The following MICU2 variants were observed in gnomAD, a reference collection of about 807,000 sequenced individuals.
The protein encoded by MICU2 is calcium uptake protein 2, mitochondrial.
MICU2 carries 64 observed loss-of-function variants against 60.4 expected under a neutral mutation model. The observed-to-expected ratio is 1.06, with a 90% CI of 0.87 to 1.31. The LOEUF (loss-of-function observed/expected upper bound fraction) is 1.31. Among genes scored for constraint, MICU2 ranks in the 50% most tolerant of loss-of-function variants. MICU2 has a pLI of 0.00. For missense variants in MICU2, 569 were observed against 531.0 expected (o/e 1.07, Z -0.70); for synonymous variants, 201 against 175.0 (o/e 1.15, Z -1.17).
chr13:21,526,885 T>C lies in MICU2; in HGVS notation c.467-4235A>G, dbSNP rs1225521534. On this transcript the variant is annotated intron_variant, in intron 4 of 11. Coordinates refer to ENST00000382374, the MANE Select transcript of MICU2 (RefSeq NM_152726.3). ...AGAGGGTGATGACGGTGGGAATGTA[T>C]TTACCCTTCTGTGCAGGACAACATA... Among the ~76,000 whole-genome samples the C allele has an allele frequency of 2.0e-5, 3 of 152,068 alleles. No homozygotes were observed. The East Asian group carries it at 5.8e-4, about 29-fold the overall frequency.
At chr13:21,584,822 G>A (rs1380429168) in intron 1 of MICU2, among the ~76,000 whole-genome samples, 2 of 151,962 alleles carry the variant, frequency 1.3e-5, no homozygotes, top group Admixed American at 6.6e-5. Flanking sequence ...TACTATTAGT[G>A]GCTTATGGTG....
chr13:21,603,822 G>A lies in MICU2; in HGVS notation c.210+117C>T, dbSNP rs542767242. On this transcript the variant is annotated intron_variant, in intron 1 of 11. Coordinates refer to ENST00000382374, the MANE Select transcript of MICU2 (RefSeq NM_152726.3). Reference sequence around the variant, plus strand: ...CAGTCGCAGGGCGCTCCGATCCGCAGCGGCACCTCCACCCACGGCTCCGGG... The same window carrying A: ...CAGTCGCAGGGCGCTCCGATCCGCAACGGCACCTCCACCCACGGCTCCGGG... 6.4e-5 allele frequency: 75 copies of A among 1,172,430 alleles called. 1 individual carries two copies. The South Asian group carries it at 1.0e-3, about 16-fold the overall frequency. The allele number at this position is 1,172,430 out of a possible 1,614,324, so 72.6% of individuals were successfully genotyped here.
chr13:21,526,424 C>T (rs557803815), intron 4 of MICU2, among the ~76,000 whole-genome samples: 1 of 152,118 alleles, frequency 6.6e-6, no homozygotes, highest in Admixed American at 6.5e-5. Context: ...TGTTCCTCTA[C>T]CTTCTGTATT....
intron 1 of MICU2, 104 bp downstream of exon 1, chr13:21,603,835 C>T (rs1035306641): frequency 7.7e-7 from 1 of 1,299,730 alleles, no homozygotes. Context: ...GCACCTCCAC[C>T]CACGGCTCCG....
chr13:21,591,979 G>C (rs541180987), intron 1 of MICU2, among the ~76,000 whole-genome samples: 1 of 151,358 alleles, frequency 6.6e-6, no homozygotes, highest in South Asian at 2.1e-4. Flanking sequence ...AAATTAATTC[G>C]AAAGTTAGCA....
intron 1 of MICU2, among the ~76,000 whole-genome samples, chr13:21,567,410 G>A (rs909202225): frequency 6.6e-6 from 1 of 152,070 alleles, no homozygotes; most frequent in Non-Finnish European, 1.5e-5. Context: ...AGCTTGGTGT[G>A]GTCAAGGAAC....
At chr13:21,515,862 T>C (rs1593321092) in intron 6 of MICU2, among the ~76,000 whole-genome samples, 1 of 152,244 alleles carries the variant, frequency 6.6e-6, no homozygotes, top group Admixed American at 6.5e-5. Context: ...AAAAGCTTTA[T>C]ATTTATTTTA....
Position 21,535,916 on chromosome 13 carries a change from A to G in MICU2, c.466+3386T>C, listed in dbSNP as rs1355010808. Among the ~76,000 whole-genome samples, 7 of 152,234 alleles carry G rather than the reference A, an allele frequency of 4.6e-5. No individual in the cohort carries two copies. The East Asian group carries it at 1.3e-3, about 29-fold the overall frequency. ...AAGGTGATGAAAGTGAGGATGAAAG[A>G]GATTAAGTAATTTCCCCGGGTCATA... is the stretch of plus-strand genomic sequence containing the variant. On this transcript the variant is annotated intron_variant, in intron 4 of 11. Coordinates refer to ENST00000382374, the MANE Select transcript of MICU2 (RefSeq NM_152726.3).
intron 2 of MICU2, among the ~76,000 whole-genome samples, chr13:21,559,578 G>A (rs1189324695): frequency 6.7e-6 from 1 of 149,820 alleles, no homozygotes; most frequent in Non-Finnish European, 1.5e-5. Flanking sequence ...AGGCTGAAGT[G>A]CAGTGGTGCG....
chr13:21,592,874 A>G (rs567702949), intron 1 of MICU2, among the ~76,000 whole-genome samples: 3 of 152,234 alleles, frequency 2.0e-5, no homozygotes, highest in Non-Finnish European at 1.5e-5. Flanking sequence ...TCTCAAAATA[A>G]TAAGAGCTAT....
chr13:21,551,198 C>T (rs1279472792), intron 2 of MICU2: 1 of 152,778 alleles, frequency 6.5e-6, no homozygotes, highest in Non-Finnish European at 1.5e-5. Context: ...CTGCCTAGAT[C>T]CAACTCTCTG....
intron 6 of MICU2, among the ~76,000 whole-genome samples, chr13:21,515,813 C>T (rs1886556707): frequency 6.6e-6 from 1 of 152,104 alleles, no homozygotes. Context: ...TTTCAATGCC[C>T]CCCTTTCCCC....
intron 1 of MICU2, among the ~76,000 whole-genome samples, chr13:21,570,794 C>T (rs1183395167): frequency 2.0e-5 from 3 of 152,062 alleles, no homozygotes; most frequent in South Asian, 4.1e-4. Context: ...GAGTTCCATA[C>T]CCTGTTTGGT....
chr13:21,527,345 T>C (rs774492542), intron 4 of MICU2, among the ~76,000 whole-genome samples: 3 of 152,248 alleles, frequency 2.0e-5, no homozygotes, highest in Non-Finnish European at 2.9e-5. Flanking sequence ...CTGGGCTTGA[T>C]GCCAGAAGGA....
chr13:21,495,792 C>G (rs1885981018), intron 10 of MICU2: 1 of 299,240 alleles, frequency 3.3e-6, no homozygotes, highest in Non-Finnish European at 6.2e-6. Flanking sequence ...CCTTGGACTC[C>G]CAAAGTGCTG....
At chr13:21,580,583 T>TACTCTTAAATATTTAAGAGTA (rs144563732) in intron 1 of MICU2, among the ~76,000 whole-genome samples, 42,682 of 148,954 alleles carry the variant, frequency 0.29, 7,307 homozygotes, top group Non-Finnish European at 0.38. Context: ...GCTTGTGAAG[T>TACTCTTAAATATTTAAGAGTA]ACTCTTAAAT....
intron 4 of MICU2, chr13:21,531,379 G>A (rs1168663818): frequency 8.4e-7 from 1 of 1,189,252 alleles, no homozygotes; most frequent in Admixed American, 2.1e-5. Context: ...AAGGGACCCT[G>A]CAGGAGTTTA....
intron 2 of MICU2, 58 bp downstream of exon 2, chr13:21,566,739 G>C: frequency 1.4e-6 from 2 of 1,386,238 alleles, no homozygotes; most frequent in South Asian, 2.7e-5. Context: ...CTGAAAAACA[G>C]GTTTTTCAGC....
intron 1 of MICU2, among the ~76,000 whole-genome samples, chr13:21,598,999 T>C (rs1046579554): frequency 5.3e-5 from 8 of 152,300 alleles, no homozygotes; most frequent in African/African-American, 1.9e-4. Flanking sequence ...CTCCACCTCC[T>C]GTCAGATCAG....
Sources: allele counts gnomAD v4.1 joint callset (sites outside exome capture counted in the v4.1 genomes callset), GRCh38; gene constraint gnomAD v4.1.1; transcripts MANE v1.5; gene names NCBI Gene and HGNC (gene_info 2026-07-23, HGNC 2026-07-21).